Variants in UNC5C observed in about 807,000 individuals in gnomAD.
The protein encoded by UNC5C is unc-5 netrin receptor C, also known as netrin receptor UNC5C.
In UNC5C, 47 loss-of-function variants were observed where a neutral mutation model predicts 99.8. The observed-to-expected ratio is 0.47, with a 90% CI of 0.37 to 0.60. The LOEUF is 0.60. Ranked by LOEUF, UNC5C falls within the 20% of genes least tolerant of loss-of-function variation. The probability of loss-of-function intolerance (pLI) is 0.00; values close to 1 mark genes in which losing one functional copy is unlikely to be tolerated. For missense variants in UNC5C, 1,062 were observed against 1,165.9 expected, an observed-to-expected ratio of 0.91 and a Z score of 1.30; for synonymous variants, 487 against 452.2, an observed-to-expected ratio of 1.08 and a Z score of -0.98.
chr4:95,350,645 C>T lies in UNC5C; in HGVS notation c.125-15014G>A, dbSNP rs116843776. Among the ~76,000 whole-genome samples the T allele has an allele frequency of 7.6e-4, 116 of 152,192 alleles. 3 individuals carry two copies. The East Asian group carries it at 0.017, about 22-fold the overall frequency. On this transcript the variant is annotated intron_variant, in intron 1 of 15. Coordinates refer to ENST00000453304, the MANE Select transcript of UNC5C (RefSeq NM_003728.4). ...AATTATTGACAGACAAATAGGACAA[C>T]TTAAACATAGGGTTAAGCCTTACTA...
chr4:95,207,147 G>A (rs1226723863), intron 10 of UNC5C, among the ~76,000 whole-genome samples: 1 of 152,090 alleles, frequency 6.6e-6, no homozygotes, highest in African/African-American at 2.4e-5. Flanking sequence ...AGTTACATAA[G>A]CAGATTTTCT....
At chr4:95,223,162 GT>G (rs1177588317) in intron 7 of UNC5C, among the ~76,000 whole-genome samples, 1 of 152,122 alleles carries the variant, frequency 6.6e-6, no homozygotes, top group African/African-American at 2.4e-5. Context: ...CTTAAAATAT[GT>G]GCAACACAAA....
At chr4:95,492,506 A>G (rs1336625998) in intron 1 of UNC5C, among the ~76,000 whole-genome samples, 3 of 151,422 alleles carry the variant, frequency 2.0e-5, no homozygotes, top group Admixed American at 6.6e-5. Flanking sequence ...CACGCATAAA[A>G]TATATACTAG....
At chr4:95,182,387 T>G (rs1384759337) in intron 14 of UNC5C, among the ~76,000 whole-genome samples, 2 of 152,086 alleles carry the variant, frequency 1.3e-5, no homozygotes, top group Non-Finnish European at 2.9e-5. Context: ...TCAAGAGATT[T>G]CTCCTTTCTT....
chr4:95,325,283 G>A (rs1742844928), intron 2 of UNC5C, among the ~76,000 whole-genome samples: 1 of 152,134 alleles, frequency 6.6e-6, no homozygotes. Context: ...CCATTTGAAC[G>A]CTTGTTTTTT....
At chr4:95,274,686 G>A (rs1230218283) in intron 4 of UNC5C, among the ~76,000 whole-genome samples, 3 of 152,106 alleles carry the variant, frequency 2.0e-5, no homozygotes, top group Non-Finnish European at 2.9e-5. Flanking sequence ...GGCTGGTCTA[G>A]TGTCCTGAGT....
At chr4:95,360,959 T>C (rs988839984) in intron 1 of UNC5C, among the ~76,000 whole-genome samples, 7 of 152,174 alleles carry the variant, frequency 4.6e-5, no homozygotes, top group Admixed American at 6.6e-5. Context: ...TATGCGGTTA[T>C]TTTTTAGGAA....
At chr4:95,356,213 CAAAACAAAAAA>C (rs1302699750) in intron 1 of UNC5C, among the ~76,000 whole-genome samples, 1,159 of 77,134 alleles carry the variant, frequency 0.015, 14 homozygotes, top group Middle Eastern at 0.037. Flanking sequence ...AAAAAAAAAA[CAAAACAAAAAA>C]AAAACAGATT....
rs532573517 is a variant in UNC5C at position 95,385,893 on chromosome 4, T to C, written c.125-50262A>G. On this transcript the variant is annotated intron_variant, in intron 1 of 15. Coordinates refer to ENST00000453304, the MANE Select transcript of UNC5C (RefSeq NM_003728.4). ...ACCTGAGAAAAATCAAGCTCTGTTA[T>C]AGCATGAAAATTGTTACATAAAATG... Among the ~76,000 whole-genome samples, 49 of 152,306 alleles carry C rather than the reference T, an allele frequency of 3.2e-4. 1 individual carries two copies. In the South Asian group the frequency reaches 9.9e-3, roughly 31 times the overall value.
At chr4:95,318,611 T>C (rs1742566508) in intron 2 of UNC5C, among the ~76,000 whole-genome samples, 1 of 152,040 alleles carries the variant, frequency 6.6e-6, no homozygotes, top group East Asian at 1.9e-4. Flanking sequence ...GTCACTGAGG[T>C]CACTTCATAC....
At chr4:95,448,257 A>G (rs540634861) in intron 1 of UNC5C, among the ~76,000 whole-genome samples, 3 of 151,148 alleles carry the variant, frequency 2.0e-5, no homozygotes, top group Admixed American at 6.6e-5. Context: ...AGAGAGAGAG[A>G]GAGAGAAAGC....
At chr4:95,223,464 T>C (rs912914346) in intron 7 of UNC5C, among the ~76,000 whole-genome samples, 1 of 152,214 alleles carries the variant, frequency 6.6e-6, no homozygotes, top group African/African-American at 2.4e-5. Flanking sequence ...AGCACTTCCG[T>C]AGTTTGCCGA....
At position 95,520,766 on chromosome 4, in the gene UNC5C, T is replaced by C. The variant is rs1176521541; in HGVS notation, c.124+27968A>G. On this transcript the variant is annotated intron_variant, in intron 1 of 15. Coordinates refer to ENST00000453304, the MANE Select transcript of UNC5C (RefSeq NM_003728.4). Reference sequence around the variant, plus strand: ...GGTGCCGGCCACCACGCCCAGCTAATTTTTTGTATTTTTTTAGTAGAGACG... The same window carrying C: ...GGTGCCGGCCACCACGCCCAGCTAACTTTTTGTATTTTTTTAGTAGAGACG... Among the ~76,000 whole-genome samples the C allele has an allele frequency of 2.0e-5, 3 of 151,704 alleles. No homozygotes were observed. The East Asian group carries it at 5.8e-4, about 30-fold the overall frequency.
intron 1 of UNC5C, among the ~76,000 whole-genome samples, chr4:95,492,836 A>G (rs1414017469): frequency 6.6e-6 from 1 of 151,444 alleles, no homozygotes; most frequent in African/African-American, 2.4e-5. Context: ...TTTTTGCTTT[A>G]TTTGATGTCA....
intron 4 of UNC5C, among the ~76,000 whole-genome samples, chr4:95,259,167 T>C (rs960548258): frequency 3.3e-5 from 5 of 152,134 alleles, no homozygotes; most frequent in Non-Finnish European, 7.4e-5. Flanking sequence ...CTAATGTTTA[T>C]GTCTCCCGTG....
intron 1 of UNC5C, among the ~76,000 whole-genome samples, chr4:95,471,357 T>G (rs78072692): frequency 0.015 from 2,349 of 152,136 alleles, 48 homozygotes; most frequent in African/African-American, 0.054. Context: ...GTACTAGGAA[T>G]AGAAAGATGA....
chr4:95,494,941 G>A (rs1003415230), intron 1 of UNC5C, among the ~76,000 whole-genome samples: 3 of 151,070 alleles, frequency 2.0e-5, no homozygotes, highest in Admixed American at 6.6e-5. Context: ...GAATATATAT[G>A]GCCACCATAT....
chr4:95,531,911 A>G (rs1722654091), intron 1 of UNC5C, among the ~76,000 whole-genome samples: 1 of 152,222 alleles, frequency 6.6e-6, no homozygotes, highest in East Asian at 1.9e-4. Flanking sequence ...ACTCAACTTG[A>G]AAGTCAATGT....
At chr4:95,375,819 T>C (rs1268348953) in intron 1 of UNC5C, among the ~76,000 whole-genome samples, 1 of 152,232 alleles carries the variant, frequency 6.6e-6, no homozygotes, top group African/African-American at 2.4e-5. Context: ...GGCTCACGCC[T>C]GTAATCCCAG....
Sources: allele counts gnomAD v4.1 joint callset (sites outside exome capture counted in the v4.1 genomes callset), GRCh38; gene constraint gnomAD v4.1.1; transcripts MANE v1.5; gene names NCBI Gene and HGNC (gene_info 2026-07-23, HGNC 2026-07-21).